Variants in CACNG4 observed in about 807,000 individuals in gnomAD.
CACNG4 encodes the protein voltage-dependent calcium channel gamma-4 subunit.
A neutral mutation model predicts 22.9 loss-of-function variants in CACNG4; 8 were observed. That is an observed-to-expected ratio of 0.35 (90% CI 0.21 to 0.63). CACNG4 has a LOEUF of 0.63. CACNG4 is among the 30% of genes least tolerant of loss of function. The pLI is 0.72. For missense variants in CACNG4, 357 were observed against 455.4 expected, an observed-to-expected ratio of 0.78 and a Z score of 1.97; for synonymous variants, 188 against 191.9, an observed-to-expected ratio of 0.98 and a Z score of 0.17.
At chr17:66,975,462 C>T (rs1407507902) in intron 1 of CACNG4, among the ~76,000 whole-genome samples, 1 of 152,182 alleles carries the variant, frequency 6.6e-6, no homozygotes, top group Non-Finnish European at 1.5e-5. Context: ...GTTCAGAGAG[C>T]AATTTTTCCT....
chr17:67,025,879 C>T (rs1420433907), intron 3 of CACNG4, among the ~76,000 whole-genome samples: 2 of 152,260 alleles, frequency 1.3e-5, no homozygotes, highest in South Asian at 2.1e-4. Context: ...TCTGCAGCCG[C>T]CATTGGGGAG....
chr17:67,001,127 G>C (rs1047385284), intron 1 of CACNG4, among the ~76,000 whole-genome samples: 1 of 151,908 alleles, frequency 6.6e-6, no homozygotes, highest in Non-Finnish European at 1.5e-5. Context: ...TTTTATAAAG[G>C]GCAGTTCCCC....
At chr17:66,996,727 A>G (rs1598112096) in intron 1 of CACNG4, among the ~76,000 whole-genome samples, 1 of 152,246 alleles carries the variant, frequency 6.6e-6, no homozygotes, top group Non-Finnish European at 1.5e-5. Context: ...ACTAAATAGA[A>G]GGTTTGGTTT....
Position 67,030,819 on chromosome 17 carries a change from G to C in CACNG4, c.799G>C (p.Gly267Arg). 2 of 1,614,040 alleles carry C rather than the reference G, an allele frequency of 1.2e-6. No individual in the cohort carries two copies. The highest frequency in any genetic ancestry group is 2.2e-5 in the East Asian group (1 of 44,864). Residue 267 changes from glycine to arginine, a missense_variant, in exon 4 of 4, where the codon GGG (glycine) becomes CGG (arginine). This residue lies in a region of CACNG4 where 240 missense variants were observed against 277.6 expected (regional missense o/e 0.86). Transcript: ENST00000262138. This position sits in a 1 kb window ranked among gnomAD's most constrained non-coding sequence, Gnocchi z 6.4. The stretch of plus-strand genomic sequence containing the variant: ...GTCGCCCATGGGCCTGAAGATCACA[G>C]GGGCCATCCCCATGGGGGAGCTGTC... ...DVSPMGLKIT[G>R]AIPMGELSMY...
intron 1 of CACNG4, among the ~76,000 whole-genome samples, chr17:66,981,813 A>G (rs1474440512): frequency 6.6e-6 from 1 of 152,254 alleles, no homozygotes; most frequent in Non-Finnish European, 1.5e-5. Flanking sequence ...TATTATCTCA[A>G]GAACTTTCCA....
At chr17:67,005,527 C>T (rs752457229) in intron 1 of CACNG4, among the ~76,000 whole-genome samples, 2 of 152,206 alleles carry the variant, frequency 1.3e-5, no homozygotes, top group Admixed American at 6.5e-5. Context: ...ACCACACGAG[C>T]TTTGATCTCC....
intron 1 of CACNG4, among the ~76,000 whole-genome samples, chr17:67,003,788 C>A (rs996489853): frequency 2.0e-5 from 3 of 152,158 alleles, no homozygotes; most frequent in Non-Finnish European, 2.9e-5. Flanking sequence ...CAGGGGGTAA[C>A]AGAGCTCTAA....
At chr17:66,983,985 T>C (rs1436878966) in intron 1 of CACNG4, among the ~76,000 whole-genome samples, 1 of 152,214 alleles carries the variant, frequency 6.6e-6, no homozygotes, top group Admixed American at 6.5e-5. Flanking sequence ...GTGTGAACAA[T>C]GTTCTATATT....
At chr17:66,980,781 G>C (rs924448364) in intron 1 of CACNG4, among the ~76,000 whole-genome samples, 1 of 151,840 alleles carries the variant, frequency 6.6e-6, no homozygotes, top group South Asian at 2.1e-4. Context: ...ACCACACCTG[G>C]CTAATGTTTG....
At chr17:66,993,088 G>T (rs2035351286) in intron 1 of CACNG4, among the ~76,000 whole-genome samples, 1 of 152,024 alleles carries the variant, frequency 6.6e-6, no homozygotes, top group Admixed American at 6.5e-5. Context: ...GGCACCTGTG[G>T]TGCTCAGCTG....
Position 67,030,238 on chromosome 17 carries a change from G to A in CACNG4, c.446-228G>A, listed in dbSNP as rs1489575487. ...GACAACAGTAGTTGCCTTAAAGAGG[G>A]GAACTGGGGGCTGAGAGTGTGTTTT... On this transcript the variant is annotated intron_variant, in intron 3 of 3. Transcript: ENST00000262138. The surrounding 1 kb of genome is among the most constrained non-coding windows in gnomAD (Gnocchi z 6.4). Among the ~76,000 whole-genome samples, 1 of 152,130 alleles carries A rather than the reference G, an allele frequency of 6.6e-6. No homozygotes were observed. Among genetic ancestry groups the A allele is most frequent in the Non-Finnish European group, 1.5e-5 (1 of 68,020 alleles).
chr17:66,975,267 C>T (rs890610975), intron 1 of CACNG4, among the ~76,000 whole-genome samples: 4 of 152,170 alleles, frequency 2.6e-5, no homozygotes, highest in African/African-American at 9.7e-5. Flanking sequence ...CTCCTGGGCC[C>T]AGGGACACAG....
Position 67,033,015 on chromosome 17 carries a change from T to C in CACNG4, c.*2011T>C. 1 of 152,766 alleles carries C rather than the reference T, an allele frequency of 6.5e-6. No individual in the cohort carries two copies. Among genetic ancestry groups the C allele is most frequent in the Non-Finnish European group, 1.5e-5 (1 of 68,104 alleles). 9.5% of individuals were successfully genotyped at this position (152,766 alleles called of 1,614,324 possible). On this transcript the variant is annotated 3_prime_UTR_variant, in exon 4 of 4. Transcript: ENST00000262138. ...TTCCATGGAGAAAGCTGTGTTCCAA[T>C]GAATCCTACCTCTTGCCCAGTCCCA...
At chr17:67,013,199 G>C (rs2035478076) in intron 1 of CACNG4, among the ~76,000 whole-genome samples, 1 of 152,078 alleles carries the variant, frequency 6.6e-6, no homozygotes, top group African/African-American at 2.4e-5. Flanking sequence ...CGGAGGTCAT[G>C]GAAGGAGAGG....
chr17:66,990,356 T>C (rs2035331785), intron 1 of CACNG4, among the ~76,000 whole-genome samples: 1 of 152,212 alleles, frequency 6.6e-6, no homozygotes, highest in South Asian at 2.1e-4. Context: ...ACATCTCTGA[T>C]TTCTTCCCCT....
At chr17:67,012,524 C>T (rs756087661) in intron 1 of CACNG4, among the ~76,000 whole-genome samples, 1 of 152,140 alleles carries the variant, frequency 6.6e-6, no homozygotes, top group Non-Finnish European at 1.5e-5. Context: ...GGGACCCACC[C>T]CTTCAGAAGC....
intron 1 of CACNG4, among the ~76,000 whole-genome samples, chr17:67,002,200 T>A (rs527996707): frequency 6.6e-6 from 1 of 152,322 alleles, no homozygotes; most frequent in South Asian, 2.1e-4. Flanking sequence ...ACGTCTTACA[T>A]GGCAGCAGGC....
intron 1 of CACNG4, among the ~76,000 whole-genome samples, chr17:66,994,160 GTC>G (rs2035359253): frequency 6.6e-6 from 1 of 151,988 alleles, no homozygotes; most frequent in Non-Finnish European, 1.5e-5. Context: ...GTGAAACCCT[GTC>G]TCTACTAAAA....
At chr17:67,028,766 C>CTTT (rs1215644022) in intron 3 of CACNG4, among the ~76,000 whole-genome samples, 1 of 152,146 alleles carries the variant, frequency 6.6e-6, no homozygotes, top group African/African-American at 2.4e-5. Context: ...AAGTCACACA[C>CTTT]TGGTATTTGG....
Sources: allele counts gnomAD v4.1 joint callset (sites outside exome capture counted in the v4.1 genomes callset), GRCh38; gene constraint gnomAD v4.1.1; regional missense constraint gnomAD v4.1.1; non-coding constraint Gnocchi (gnomAD v3.1); transcripts MANE v1.5; gene names NCBI Gene and HGNC (gene_info 2026-07-23, HGNC 2026-07-21).